Variants in JADE3 observed in about 807,000 individuals in gnomAD.
JADE3 encodes the protein jade family PHD finger 3, also known as protein Jade-3.
A neutral mutation model predicts 50.1 loss-of-function variants in JADE3; 2 were observed. The observed-to-expected ratio is 0.04, with a 90% confidence interval of 0.02 to 0.13. The LOEUF (loss-of-function observed/expected upper bound fraction) is 0.13. JADE3 is among the 10% of genes least tolerant of loss of function. The pLI, the probability that JADE3 is intolerant of heterozygous loss-of-function variation, is 1.00. For missense variants in JADE3, 475 were observed against 634.4 expected (o/e 0.75, Z 2.70); for synonymous variants, 218 against 232.9 (o/e 0.94, Z 0.58).
At chrX:46,941,456 T>C (rs1926755713) in intron 1 of JADE3, among the ~76,000 whole-genome samples, 1 of 111,478 alleles carries the variant, frequency 9.0e-6, no homozygotes, top group African/African-American at 3.3e-5. Context: ...GTGGTTTGAT[T>C]TCACATTCTT....
At chrX:46,934,325 GT>G (rs1329430684) in intron 1 of JADE3, among the ~76,000 whole-genome samples, 1 of 101,140 alleles carries the variant, frequency 9.9e-6, no homozygotes, top group Non-Finnish European at 2.0e-5. Flanking sequence ...TTGAGACGGA[GT>G]CTCCCTCTGT....
chrX:47,009,812 A>G (rs1055220205), intron 4 of JADE3, among the ~76,000 whole-genome samples: 5 of 108,907 alleles, frequency 4.6e-5, no homozygotes, highest in African/African-American at 1.7e-4. Flanking sequence ...TTTTGTAGAG[A>G]TGGGATCTCC....
chrX:46,972,223 G>A (rs1369166086), intron 1 of JADE3, among the ~76,000 whole-genome samples: 1 of 111,122 alleles, frequency 9.0e-6, no homozygotes, highest in African/African-American at 3.3e-5. Context: ...TTGAGACAGA[G>A]TCTCACTCTG....
chrX:47,030,089 T>C (rs915828620), intron 6 of JADE3, among the ~76,000 whole-genome samples: 1 of 110,950 alleles, frequency 9.0e-6, no homozygotes, highest in Non-Finnish European at 1.9e-5. Context: ...ATATATACTT[T>C]CCTAAGATCT....
At chrX:47,014,796 G>A in intron 4 of JADE3, among the ~76,000 whole-genome samples, 1 of 111,377 alleles carries the variant, frequency 9.0e-6, no homozygotes, top group Non-Finnish European at 1.9e-5. Flanking sequence ...TTTTCCTTTT[G>A]TGTATTTTAA....
At chrX:46,957,564 A>G (rs181496238) in intron 1 of JADE3, among the ~76,000 whole-genome samples, 67 of 112,263 alleles carry the variant, frequency 6.0e-4, no homozygotes, top group African/African-American at 2.0e-3. Context: ...TTAAGAGCTA[A>G]TATGAGATTT....
At chrX:46,950,061 T>C (rs1335125187) in intron 1 of JADE3, among the ~76,000 whole-genome samples, 2 of 112,187 alleles carry the variant, frequency 1.8e-5, no homozygotes, top group Non-Finnish European at 3.8e-5. Context: ...AAAAGCATTA[T>C]GCTGAATGAA....
At chrX:47,007,057 AC>A (rs1928444722) in intron 4 of JADE3, among the ~76,000 whole-genome samples, 1 of 106,226 alleles carries the variant, frequency 9.4e-6, no homozygotes, top group African/African-American at 3.4e-5. Flanking sequence ...TCCCACCTTG[AC>A]CTCCCAAAGT....
intron 4 of JADE3, among the ~76,000 whole-genome samples, chrX:47,010,195 T>G (rs1928526298): frequency 9.0e-6 from 1 of 111,299 alleles, no homozygotes; most frequent in Non-Finnish European, 1.9e-5. Flanking sequence ...TAGATTTTTT[T>G]AAGTGAGATA....
intron 1 of JADE3, among the ~76,000 whole-genome samples, chrX:46,948,924 C>A (rs1926940809): frequency 9.0e-6 from 1 of 110,928 alleles, no homozygotes; most frequent in Admixed American, 9.6e-5. Context: ...AAACATATCA[C>A]AATTTTTTAA....
rs58445568 is a variant in JADE3 at position 47,044,963 on chromosome X, A to C, written c.972+5898A>C. On this transcript the variant is annotated intron_variant, in intron 8 of 10. Transcript: ENST00000614628. ...CACAAAAATAAAAAGCAAGAAGTTA[A>C]GACATACCACCTGAGAATATCACCT... Among the ~76,000 whole-genome samples, 5 of 112,115 alleles carry C rather than the reference A, an allele frequency of 4.5e-5. No homozygotes were observed. The East Asian group carries it at 1.4e-3, about 31-fold the overall frequency.
chrX:46,974,825 CTCT>C (rs1408532814), intron 1 of JADE3, among the ~76,000 whole-genome samples: 1 of 112,344 alleles, frequency 8.9e-6, no homozygotes, highest in African/African-American at 3.2e-5. Context: ...CATTTCTACA[CTCT>C]TCTTAATAGC....
At chrX:47,000,914 G>C (rs934239663) in intron 4 of JADE3, among the ~76,000 whole-genome samples, 2 of 111,810 alleles carry the variant, frequency 1.8e-5, no homozygotes, top group African/African-American at 6.5e-5. Context: ...AGGGATGTGC[G>C]TTCCTAATTC....
At chrX:47,004,347 T>A (rs1039934902) in intron 4 of JADE3, among the ~76,000 whole-genome samples, 2 of 112,586 alleles carry the variant, frequency 1.8e-5, no homozygotes, top group African/African-American at 6.5e-5. Context: ...TTAATTCTTA[T>A]TAAAATGTTT....
At chrX:46,938,031 A>C (rs1305804231) in intron 1 of JADE3, among the ~76,000 whole-genome samples, 3 of 111,654 alleles carry the variant, frequency 2.7e-5, no homozygotes, top group African/African-American at 9.8e-5. Context: ...TTTGCATCAC[A>C]TATCTTTTTC....
intron 1 of JADE3, among the ~76,000 whole-genome samples, chrX:46,929,225 A>C (rs185441765): frequency 8.9e-6 from 1 of 112,293 alleles, no homozygotes. Flanking sequence ...CTTGTCTCAC[A>C]TGAAACTTAT....
chrX:47,039,092 T>G lies in JADE3; in HGVS notation c.972+27T>G, dbSNP rs185899563. On this transcript the variant is annotated intron_variant, in intron 8 of 10. Transcript: ENST00000614628. ...TAAGTCCCCATGAGAAGTGGTAGAG[T>G]GGGCTAACACCAAATTAGCTGGACT... 3.4e-4 allele frequency: 277 copies of G among 814,973 alleles called. No individual in the cohort carries two copies. The African/African-American group carries it at 4.2e-3, about 12-fold the overall frequency. 67.2% of individuals were successfully genotyped at this position (814,973 alleles called of 1,213,427 possible). A position where few individuals can be genotyped will look rare whatever the true frequency, so the allele number is the denominator to read the frequency against.
At chrX:46,913,236 G>A (rs1234117046) in intron 1 of JADE3, among the ~76,000 whole-genome samples, 2 of 110,894 alleles carry the variant, frequency 1.8e-5, no homozygotes, top group African/African-American at 3.3e-5. Context: ...CTGTTGGGGG[G>A]CGGAAAGAAC....
intron 8 of JADE3, among the ~76,000 whole-genome samples, chrX:47,050,226 G>A (rs1433061359): frequency 3.6e-5 from 4 of 111,769 alleles, no homozygotes; most frequent in Non-Finnish European, 5.6e-5. Context: ...GAGCCACCAT[G>A]CTCAGCCCAA....
Sources: allele counts gnomAD v4.1 joint callset (sites outside exome capture counted in the v4.1 genomes callset), GRCh38; gene constraint gnomAD v4.1.1; transcripts MANE v1.5; gene names NCBI Gene and HGNC (gene_info 2026-07-23, HGNC 2026-07-21).